The following PCDH15 variants were observed in gnomAD, a reference collection of about 807,000 sequenced individuals.
The protein encoded by PCDH15 is protocadherin related 15, also known as protocadherin-15.
In PCDH15, 129 loss-of-function variants were observed where a neutral mutation model predicts 178.5. That is an observed-to-expected ratio of 0.72 (90% CI 0.63 to 0.84). The LOEUF (loss-of-function observed/expected upper bound fraction) is 0.84. Ranked by LOEUF, PCDH15 falls within the 40% of genes least tolerant of loss-of-function variation. PCDH15 has a pLI of 0.00. For missense variants in PCDH15, 2,230 were observed against 2,099.9 expected (o/e 1.06, Z -1.21); for synonymous variants, 800 against 732.0 (o/e 1.09, Z -1.50).
At chr10:55,380,615 C>G (rs1387444327) in intron 2 of PCDH15, among the ~76,000 whole-genome samples, 1 of 152,146 alleles carries the variant, frequency 6.6e-6, no homozygotes, top group African/African-American at 2.4e-5. Flanking sequence ...CTCAGTGTTT[C>G]TGACCTGTCA....
At chr10:54,078,767 A>T (rs12244764) in intron 17 of PCDH15, among the ~76,000 whole-genome samples, 24,375 of 134,170 alleles carry the variant, frequency 0.18, 2,776 homozygotes, top group African/African-American at 0.41. Flanking sequence ...TTTTTTTTTT[A>T]AAGTGAGTTT....
chr10:54,753,756 C>T (rs1946650079), intron 1 of PCDH15, among the ~76,000 whole-genome samples: 1 of 152,070 alleles, frequency 6.6e-6, no homozygotes, highest in Admixed American at 6.5e-5. Flanking sequence ...CTGGTAGCAC[C>T]TTCCTGAGCA....
chr10:54,247,715 A>G (rs1417893346), intron 8 of PCDH15, among the ~76,000 whole-genome samples: 1 of 151,790 alleles, frequency 6.6e-6, no homozygotes, highest in East Asian at 1.9e-4. Context: ...TCCTACAACA[A>G]AATATGCCAA....
chr10:55,585,815 A>C (rs1842717470), intron 2 of PCDH15, among the ~76,000 whole-genome samples: 2 of 152,052 alleles, frequency 1.3e-5, no homozygotes, highest in Non-Finnish European at 2.9e-5. Context: ...CTGTTCTGTT[A>C]ATTTTAAATA....
chr10:54,252,857 C>A (rs2056601251), intron 8 of PCDH15, among the ~76,000 whole-genome samples: 1 of 151,446 alleles, frequency 6.6e-6, no homozygotes, highest in Admixed American at 6.6e-5. Flanking sequence ...TTTATAATTT[C>A]TTATTATTCT....
intron 25 of PCDH15, among the ~76,000 whole-genome samples, chr10:53,934,545 C>T (rs913025888): frequency 2.0e-4 from 30 of 151,636 alleles, no homozygotes; most frequent in African/African-American, 7.0e-4. Flanking sequence ...TTGCAGTGAG[C>T]CCAGATCACG....
chr10:53,871,517 GTAAC>G (rs2079854468), intron 26 of PCDH15, among the ~76,000 whole-genome samples: 1 of 150,782 alleles, frequency 6.6e-6, no homozygotes, highest in Non-Finnish European at 1.5e-5. Context: ...CAAGTCCAGT[GTAAC>G]TATTATAGTT....
intron 1 of PCDH15, among the ~76,000 whole-genome samples, chr10:54,800,453 C>T (rs1185112235): frequency 1.3e-5 from 2 of 152,098 alleles, no homozygotes; most frequent in East Asian, 1.9e-4. Flanking sequence ...CATTGTGAGG[C>T]AGAATTAGCT....
rs569657364 is a variant in PCDH15, at chr10:55,054,731, C to T, written c.-80+111845G>A. Among the ~76,000 whole-genome samples, 3 of 152,230 alleles carry T rather than the reference C, an allele frequency of 2.0e-5. No homozygotes were observed. In the South Asian group the frequency reaches 6.2e-4, roughly 32 times the overall value. On this transcript the variant is annotated intron_variant, in intron 2 of 5. Coordinates refer to the PCDH15 transcript ENST00000458638. ...TTCTGACTGGTGTTAGATGGCATCT[C>T]ATTGTGGTTTGATTTGCATTTCTCT... is the stretch of plus-strand genomic sequence containing the variant.
At chr10:55,212,821 G>T (rs1206340434) in intron 1 of PCDH15, among the ~76,000 whole-genome samples, 1 of 152,012 alleles carries the variant, frequency 6.6e-6, no homozygotes, top group Non-Finnish European at 1.5e-5. Flanking sequence ...CTGAATGTCA[G>T]CATTGGCTAT....
chr10:54,678,911 C>A (rs914158329), intron 1 of PCDH15, among the ~76,000 whole-genome samples: 1 of 152,134 alleles, frequency 6.6e-6, no homozygotes, highest in Non-Finnish European at 1.5e-5. Context: ...ATACAATTGG[C>A]CGGGCGCGGT....
chr10:53,918,136 A>G (rs1900450), intron 25 of PCDH15, among the ~76,000 whole-genome samples: 104,837 of 151,976 alleles, frequency 0.69, 36,770 homozygotes, highest in East Asian at 1. Flanking sequence ...TACACAAACC[A>G]AATATGGTTT....
intron 1 of PCDH15, among the ~76,000 whole-genome samples, chr10:55,203,903 T>A (rs1840321866): frequency 6.6e-6 from 1 of 151,886 alleles, no homozygotes; most frequent in Admixed American, 6.6e-5. Flanking sequence ...TCTAAGAGAT[T>A]TGGTGGTTAA....
intron 3 of PCDH15, among the ~76,000 whole-genome samples, chr10:54,887,364 G>T (rs1039149015): frequency 6.6e-6 from 1 of 152,014 alleles, no homozygotes; most frequent in African/African-American, 2.4e-5. Context: ...TTGTATAGCT[G>T]TATATAAACA....
chr10:54,159,655 T>C (rs2045513834), intron 13 of PCDH15, among the ~76,000 whole-genome samples: 1 of 152,164 alleles, frequency 6.6e-6, no homozygotes, highest in South Asian at 2.1e-4. Context: ...TTCGAGATTT[T>C]GGTTTGAGAT....
At chr10:53,959,915 T>C (rs1334654471) in intron 22 of PCDH15, 71 bp from the exon 23 acceptor site, 12 of 1,183,934 alleles carry the variant, frequency 1.0e-5, no homozygotes, top group Middle Eastern at 3.8e-4. Flanking sequence ...TTTTTATATG[T>C]ATGTTTTTAC....
intron 2 of PCDH15, among the ~76,000 whole-genome samples, chr10:54,648,649 G>T (rs200953048): frequency 2.1e-3 from 327 of 152,194 alleles, no homozygotes; most frequent in African/African-American, 7.7e-3. Flanking sequence ...ATACAGAGAA[G>T]AGTATTTCTA....
intron 6 of PCDH15, among the ~76,000 whole-genome samples, chr10:54,344,629 T>G (rs1304546724): frequency 6.6e-6 from 1 of 152,098 alleles, no homozygotes; most frequent in Admixed American, 6.6e-5. Context: ...AAATTTGAGC[T>G]AGAAACATGG....
At chr10:54,147,014 A>ATATAATGTATATATATAGTGTATAT (rs1234051172) in intron 14 of PCDH15, among the ~76,000 whole-genome samples, 2 of 139,200 alleles carry the variant, frequency 1.4e-5, no homozygotes, top group African/African-American at 5.1e-5. Flanking sequence ...GTGTATATAT[A>ATATAATGTATATATATAGTGTATAT]ATGTGTATAT....
Sources: gnomAD v4.1 joint callset for allele counts (sites outside exome capture counted in the v4.1 genomes callset) on GRCh38, gnomAD v4.1.1 for gene constraint, MANE v1.5 for transcripts, NCBI Gene and HGNC (gene_info 2026-07-23, HGNC 2026-07-21) for gene names.